The following FHIT variants were observed in gnomAD, a reference collection of about 807,000 sequenced individuals.
The protein encoded by FHIT is bis(5'-adenosyl)-triphosphatase.
A neutral mutation model predicts 17.9 loss-of-function variants in FHIT; 19 were observed. That is an observed-to-expected ratio of 1.06 (90% CI 0.74 to 1.56). FHIT has a LOEUF of 1.56. FHIT is among the 40% of genes most tolerant of loss of function. The probability of loss-of-function intolerance (pLI) is 0.00; values close to 1 mark genes in which losing one functional copy is unlikely to be tolerated. For synonymous variants in FHIT, 81 were observed against 69.7 expected (o/e 1.16, Z -0.81); for missense variants, 248 against 189.2 (o/e 1.31, Z -1.82).
chr3:60,649,179 C>T (rs975253997), intron 4 of FHIT, among the ~76,000 whole-genome samples: 1 of 152,202 alleles, frequency 6.6e-6, no homozygotes, highest in East Asian at 1.9e-4. Flanking sequence ...GGGTGGATCA[C>T]CAGGTCAGGA....
intron 8 of FHIT, among the ~76,000 whole-genome samples, chr3:59,837,849 G>GT (rs1365916589): frequency 1.3e-5 from 2 of 152,074 alleles, no homozygotes. Context: ...TGGTGGTGGT[G>GT]TGGGGGGGTG....
At position 60,468,787 on chromosome 3, in the gene FHIT, A is replaced by G. The variant is rs149341241; in HGVS notation, c.103+68073T>C. Among the ~76,000 whole-genome samples, 1,223 of 152,174 alleles carry G rather than the reference A, an allele frequency of 8.0e-3. 16 individuals carry two copies. Among genetic ancestry groups the G allele is most frequent in the African/African-American group, 0.028 (1,159 of 41,530 alleles). ...TTACCAGTAAGTTTTCTACTTTCAGATAGTTTTTTATTACTCATTAACATC... is the reference window on the plus strand; with the variant it reads ...TTACCAGTAAGTTTTCTACTTTCAGGTAGTTTTTTATTACTCATTAACATC... On this transcript the variant is annotated intron_variant, in intron 5 of 9. Transcript: ENST00000492590.
intron 4 of FHIT, among the ~76,000 whole-genome samples, chr3:60,803,913 C>T (rs1553733121): frequency 1.3e-5 from 2 of 152,078 alleles, no homozygotes; most frequent in South Asian, 2.1e-4. Flanking sequence ...TAAAAACTTG[C>T]TTTTATTTAA....
chr3:60,147,829 G>C (rs1382282839), intron 5 of FHIT, among the ~76,000 whole-genome samples: 1 of 152,058 alleles, frequency 6.6e-6, no homozygotes. Flanking sequence ...GTTGTCGAAC[G>C]ACCTCGGGGA....
chr3:59,958,786 T>C (rs1295840399), intron 7 of FHIT, among the ~76,000 whole-genome samples: 1 of 152,186 alleles, frequency 6.6e-6, no homozygotes, highest in Non-Finnish European at 1.5e-5. Flanking sequence ...TCCTTTTTTC[T>C]CCTCTTCCCT....
intron 4 of FHIT, among the ~76,000 whole-genome samples, chr3:60,804,689 A>G (rs1701321704): frequency 6.6e-6 from 1 of 152,188 alleles, no homozygotes; most frequent in Admixed American, 6.5e-5. Context: ...GCTGCATTTT[A>G]GTCAAAGTTC....
At chr3:61,211,298 C>T (rs1001744077) in intron 1 of FHIT, among the ~76,000 whole-genome samples, 1 of 131,866 alleles carries the variant, frequency 7.6e-6, no homozygotes. Context: ...GTCACTCCCA[C>T]CCTAATACTG....
At position 60,894,940 on chromosome 3, in the gene FHIT, C is replaced by T. The variant is rs984008026; in HGVS notation, c.-110-72929G>A. Reference sequence around the variant, plus strand: ...AAAAGCTTCTAGGAATTACAGTAGTCTCTCACACATACAATGATCAAAATC... The same window carrying T: ...AAAAGCTTCTAGGAATTACAGTAGTTTCTCACACATACAATGATCAAAATC... On this transcript the variant is annotated intron_variant, in intron 3 of 9. Transcript: ENST00000492590. 7.2e-5 allele frequency among the ~76,000 whole-genome samples: 11 copies of T among 152,260 alleles called. No individual in the cohort carries two copies. In the East Asian group the frequency reaches 2.1e-3, roughly 29 times the overall value.
At chr3:60,955,612 A>ATATATACATG in intron 3 of FHIT, among the ~76,000 whole-genome samples, 1 of 9,768 alleles carries the variant, frequency 1.0e-4, no homozygotes, top group East Asian at 0.033. Flanking sequence ...ATATATATAT[A>ATATATACATG]TATATATATA....
chr3:60,088,618 A>G lies in FHIT; in HGVS notation c.104-74466T>C, dbSNP rs190573188. ...GGAGAACATTCCTTTTTTTGCATAA[A>G]TAAACACTGTACTTGGATCTCTCTT... On this transcript the variant is annotated intron_variant, in intron 5 of 9. Transcript: ENST00000492590. Among the ~76,000 whole-genome samples, 676 of 152,250 alleles carry G rather than the reference A, an allele frequency of 4.4e-3. 2 individuals carry two copies. The highest frequency in any genetic ancestry group is 7.4e-3 in the Non-Finnish European group (502 of 68,014).
intron 3 of FHIT, among the ~76,000 whole-genome samples, chr3:60,896,106 CATT>C (rs1310470453): frequency 6.6e-6 from 1 of 152,098 alleles, no homozygotes; most frequent in Non-Finnish European, 1.5e-5. Context: ...TGCGCATACT[CATT>C]ATGAGAATCT....
At chr3:59,890,506 T>C (rs1315854943) in intron 8 of FHIT, among the ~76,000 whole-genome samples, 1 of 152,166 alleles carries the variant, frequency 6.6e-6, no homozygotes, top group Non-Finnish European at 1.5e-5. Context: ...TCATTTCCTG[T>C]TGGGGAAGTT....
chr3:59,888,622 A>G (rs755937875), intron 8 of FHIT, among the ~76,000 whole-genome samples: 19 of 152,232 alleles, frequency 1.2e-4, no homozygotes, highest in Non-Finnish European at 2.4e-4. Context: ...GAAATGGTCT[A>G]TATTTATTGA....
chr3:60,135,227 A>G (rs7628184), intron 5 of FHIT, among the ~76,000 whole-genome samples: 15,637 of 152,142 alleles, frequency 0.1, 1,205 homozygotes, highest in African/African-American at 0.21. Context: ...ACATACAAAC[A>G]AATCAATTCG....
intron 5 of FHIT, among the ~76,000 whole-genome samples, chr3:60,162,641 G>A (rs1259819154): frequency 5.9e-5 from 9 of 152,088 alleles, no homozygotes; most frequent in African/African-American, 1.2e-4. Context: ...TTTATGAAAT[G>A]CATTTCATTT....
At chr3:60,641,302 A>T (rs984227979) in intron 4 of FHIT, among the ~76,000 whole-genome samples, 39 of 152,348 alleles carry the variant, frequency 2.6e-4, no homozygotes, top group African/African-American at 9.1e-4. Flanking sequence ...ATATGTAAGA[A>T]TATTTTTACA....
chr3:60,013,236 A>G (rs1700209332), intron 6 of FHIT, among the ~76,000 whole-genome samples: 1 of 152,188 alleles, frequency 6.6e-6, no homozygotes, highest in African/African-American at 2.4e-5. Context: ...AATGGCAAAC[A>G]TTCAGTTTAA....
chr3:60,926,407 C>T (rs565432306), intron 3 of FHIT, among the ~76,000 whole-genome samples: 8 of 152,198 alleles, frequency 5.3e-5, no homozygotes, highest in African/African-American at 9.6e-5. Context: ...GAAACTCACT[C>T]GAAACCACAC....
chr3:60,140,444 C>G (rs1699992918), intron 5 of FHIT, among the ~76,000 whole-genome samples: 3 of 152,060 alleles, frequency 2.0e-5, no homozygotes, highest in Non-Finnish European at 2.9e-5. Context: ...AAAAGTTGCT[C>G]TCTTATGCTG....
Sources: gnomAD v4.1 joint callset for allele counts (sites outside exome capture counted in the v4.1 genomes callset) on GRCh38, gnomAD v4.1.1 for gene constraint, MANE v1.5 for transcripts, NCBI Gene and HGNC (gene_info 2026-07-23, HGNC 2026-07-21) for gene names.